The following FLI1 variants were observed in gnomAD, a reference collection of about 807,000 sequenced individuals.
FLI1 encodes Fli-1 proto-oncogene, ETS transcription factor.
In FLI1, 13 loss-of-function variants were observed where a neutral mutation model predicts 53.1. The ratio of observed to expected loss-of-function variants is 0.24; its 90% CI spans 0.16 to 0.39. The LOEUF is 0.39. Among genes scored for constraint, FLI1 ranks in the 10% least tolerant of loss-of-function variants. The pLI is 1.00. For missense variants in FLI1, 424 were observed against 600.5 expected, an observed-to-expected ratio of 0.71 and a Z score of 3.07; for synonymous variants, 244 against 236.7, an observed-to-expected ratio of 1.03 and a Z score of -0.28.
At chr11:128,793,933 A>G (rs972306562) in intron 5 of FLI1, among the ~76,000 whole-genome samples, 1 of 152,062 alleles carries the variant, frequency 6.6e-6, no homozygotes, top group Admixed American at 6.5e-5. Flanking sequence ...CCGCACTGCC[A>G]AGGAGGGGCT....
intron 2 of FLI1, among the ~76,000 whole-genome samples, chr11:128,760,082 C>T (rs1410530385): frequency 1.3e-5 from 2 of 152,212 alleles, no homozygotes; most frequent in African/African-American, 4.8e-5. Context: ...TCTGAGCCTG[C>T]AGCCCCTCAG....
rs915719979 is a variant in FLI1 at position 128,810,170 on chromosome 11, C to CGAAGAA, written c.830-289_830-288insGAAGAA. ...AGGGGGGATATGGCTCACCCAAGAT[C>CGAAGAA]ACACAGCTAGTTCTGGGCAGAGTTT... On this transcript the variant is annotated intron_variant, in intron 8 of 8. Transcript: ENST00000527786. The surrounding 1 kb of genome is among the most constrained non-coding windows in gnomAD (Gnocchi z 6.6). Among the ~76,000 whole-genome samples, 2 of 151,968 alleles carry CGAAGAA rather than the reference C, an allele frequency of 1.3e-5. No individual in the cohort carries two copies. Among genetic ancestry groups the CGAAGAA allele is most frequent in the Non-Finnish European group, 2.9e-5 (2 of 68,002 alleles).
chr11:128,733,147 C>T (rs1456579655), intron 1 of FLI1, among the ~76,000 whole-genome samples: 2 of 147,364 alleles, frequency 1.4e-5, no homozygotes, highest in East Asian at 2.0e-4. Context: ...CAGTCTGCAG[C>T]GTTTTCCAAT....
chr11:128,760,520 CTTTTT>C lies in FLI1; in HGVS notation c.230+2215_230+2219del, dbSNP rs1179242159. Among the ~76,000 whole-genome samples, 142 of 103,568 alleles carry C rather than the reference CTTTTT, an allele frequency of 1.4e-3. 1 individual carries two copies. Among genetic ancestry groups the C allele is most frequent in the Middle Eastern group, 5.7e-3 (1 of 174 alleles). 67.9% of individuals were successfully genotyped at this position (103,568 alleles called of 152,430 possible). On this transcript the variant is annotated intron_variant, in intron 2 of 8. Transcript: ENST00000527786. Reference sequence around the variant, plus strand: ...ATCCAGATCCCACTGGTGGAGATTCCTTTTTTTTTTTTTTTTTTTTTTTTTGAGAT... The same window carrying C: ...ATCCAGATCCCACTGGTGGAGATTCCTTTTTTTTTTTTTTTTTTTTGAGAT...
Position 128,758,219 on chromosome 11 carries a change from C to T in FLI1, c.123C>T (p.Asp41=). The part of the protein sequence containing the change: ...KADMTASGSP[D]YGQPHKINPL... ...ACATGACTGCCTCGGGGAGTCCTGA[C>T]TACGGGCAGCCCCACAAGATCAACC... Residue 41 remains aspartate (D), a synonymous_variant, in exon 2 of 9, where the codon GAC becomes GAT. Coordinates refer to ENST00000527786, the MANE Select transcript of FLI1 (RefSeq NM_002017.5). 6.2e-7 allele frequency: 1 copy of T among 1,613,374 alleles called. No individual in the cohort carries two copies. Among genetic ancestry groups the T allele is most frequent in the Admixed American group, 1.7e-5 (1 of 59,956 alleles).
At chr11:128,737,562 T>A (rs537838807) in intron 1 of FLI1, among the ~76,000 whole-genome samples, 4 of 152,368 alleles carry the variant, frequency 2.6e-5, no homozygotes, top group Non-Finnish European at 5.9e-5. Flanking sequence ...TTTAAAAATT[T>A]ATTTTAAATG....
intron 1 of FLI1, among the ~76,000 whole-genome samples, chr11:128,748,517 C>A (rs997217949): frequency 2.0e-5 from 3 of 152,026 alleles, no homozygotes; most frequent in Non-Finnish European, 4.4e-5. Context: ...CCTGTAATCC[C>A]AGCTACTCAG....
intron 2 of FLI1, among the ~76,000 whole-genome samples, chr11:128,763,688 G>A (rs1409158397): frequency 3.9e-5 from 6 of 152,180 alleles, no homozygotes; most frequent in Non-Finnish European, 7.3e-5. Flanking sequence ...TGGCTGCGAG[G>A]CCCCTTTCTA....
At chr11:128,720,987 A>G (rs1261002565) in intron 1 of FLI1, among the ~76,000 whole-genome samples, 2 of 152,048 alleles carry the variant, frequency 1.3e-5, no homozygotes, top group Non-Finnish European at 2.9e-5. Context: ...CCCTCCACCC[A>G]GTCAAGTTCT....
chr11:128,690,103 T>A (rs1591720330), upstream of FLI1, among the ~76,000 whole-genome samples: 1 of 152,166 alleles, frequency 6.6e-6, no homozygotes, highest in African/African-American at 2.4e-5. Context: ...TTGGCTAAGG[T>A]CAGACGAGAC....
chr11:128,690,802 A>G (rs1453122184), upstream of FLI1, among the ~76,000 whole-genome samples: 1 of 152,204 alleles, frequency 6.6e-6, no homozygotes, highest in Non-Finnish European at 1.5e-5. Context: ...AATACTGGGA[A>G]GAGCTTCCTT....
intron 4 of FLI1, among the ~76,000 whole-genome samples, chr11:128,774,972 A>G (rs191970764): frequency 6.6e-6 from 1 of 152,214 alleles, no homozygotes; most frequent in African/African-American, 2.4e-5. Context: ...GGGGTATAGC[A>G]TGGCAAGAAA....
chr11:128,771,513 T>C (rs1187880437), intron 3 of FLI1, among the ~76,000 whole-genome samples: 3 of 152,246 alleles, frequency 2.0e-5, no homozygotes, highest in Non-Finnish European at 4.4e-5. Flanking sequence ...GCCTTGCTTC[T>C]TGCCCCACAT....
intron 1 of FLI1, among the ~76,000 whole-genome samples, chr11:128,730,201 G>A (rs1262170205): frequency 1.3e-5 from 2 of 152,162 alleles, no homozygotes; most frequent in East Asian, 1.9e-4. Context: ...AGTGTGTACT[G>A]TGTTAAAAAC....
chr11:128,792,969 G>C (rs1017947797), intron 5 of FLI1, among the ~76,000 whole-genome samples: 1 of 151,840 alleles, frequency 6.6e-6, no homozygotes, highest in Admixed American at 6.6e-5. Context: ...ATAAACAAAA[G>C]TAGCCAGGTG....
chr11:128,764,967 A>G (rs1591793020), intron 2 of FLI1: 2 of 782,486 alleles, frequency 2.6e-6, no homozygotes, highest in Non-Finnish European at 2.0e-6. Context: ...GGACAGGGCC[A>G]TTTTCCAGAG....
At chr11:128,689,178 T>C (rs1333184801), upstream of FLI1, among the ~76,000 whole-genome samples, 1 of 150,882 alleles carries the variant, frequency 6.6e-6, no homozygotes, top group Non-Finnish European at 1.5e-5. Context: ...CAAACCTAGG[T>C]GCGCTAGTCC....
At chr11:128,697,160 A>G (rs1938116033) in intron 1 of FLI1, among the ~76,000 whole-genome samples, 2 of 152,234 alleles carry the variant, frequency 1.3e-5, no homozygotes, top group Admixed American at 6.5e-5. Context: ...GTTAAAAAGC[A>G]CATGATACTG....
chr11:128,802,046 G>A (rs1942649824), intron 5 of FLI1, among the ~76,000 whole-genome samples: 1 of 152,206 alleles, frequency 6.6e-6, no homozygotes, highest in South Asian at 2.1e-4. Context: ...GAATATTTTT[G>A]GTCTGTGACA....
Sources: gnomAD v4.1 joint callset for allele counts (sites outside exome capture counted in the v4.1 genomes callset) on GRCh38, gnomAD v4.1.1 for gene constraint, Gnocchi (gnomAD v3.1) non-coding constraint, MANE v1.5 for transcripts, NCBI Gene and HGNC (gene_info 2026-07-23, HGNC 2026-07-21) for gene names.